Variants in EPB41L2 observed in about 807,000 individuals in gnomAD.
The protein encoded by EPB41L2 is band 4.1-like protein 2.
EPB41L2 carries 43 observed loss-of-function variants against 113.0 expected under a neutral mutation model. The ratio of observed to expected loss-of-function variants is 0.38; its 90% CI spans 0.30 to 0.49. The LOEUF is 0.49. EPB41L2 is among the 20% of genes least tolerant of loss of function. The pLI, the probability that EPB41L2 is intolerant of heterozygous loss-of-function variation, is 0.95. For synonymous variants in EPB41L2, 442 were observed against 436.7 expected, an observed-to-expected ratio of 1.01 and a Z score of -0.15; for missense variants, 1,147 against 1,223.4, an observed-to-expected ratio of 0.94 and a Z score of 0.93.
At chr6:130,995,131 T>C (rs1443233711) in intron 1 of EPB41L2, among the ~76,000 whole-genome samples, 1 of 146,904 alleles carries the variant, frequency 6.8e-6, no homozygotes, top group Non-Finnish European at 1.5e-5. Context: ...GGTCAGGAGA[T>C]CAAGACCATC....
At chr6:130,921,335 T>C (rs1254847080) in intron 4 of EPB41L2, among the ~76,000 whole-genome samples, 1 of 152,200 alleles carries the variant, frequency 6.6e-6, no homozygotes, top group Non-Finnish European at 1.5e-5. Flanking sequence ...TTTGCTTATT[T>C]TTCCAGCTGC....
At chr6:130,930,608 CA>C (rs1806500208) in intron 3 of EPB41L2, among the ~76,000 whole-genome samples, 2 of 151,998 alleles carry the variant, frequency 1.3e-5, no homozygotes, top group Non-Finnish European at 2.9e-5. Context: ...TCAAAAATGC[CA>C]AAAGATAATC....
chr6:130,876,848 A>C, intron 14 of EPB41L2: 6 of 949,372 alleles, frequency 6.3e-6, no homozygotes, highest in Non-Finnish European at 8.7e-6. Flanking sequence ...ACAAACACAA[A>C]ATACTGACCC....
chr6:130,926,503 C>A, intron 4 of EPB41L2, 102 bp downstream of exon 4: 1 of 838,982 alleles, frequency 1.2e-6, no homozygotes, highest in Non-Finnish European at 1.9e-6. Flanking sequence ...TCATAATAAA[C>A]ACCTAAGTTA....
intron 1 of EPB41L2, among the ~76,000 whole-genome samples, chr6:130,997,837 T>C (rs1019539781): frequency 1.3e-5 from 2 of 152,150 alleles, no homozygotes; most frequent in African/African-American, 4.8e-5. Context: ...AAAGAAACTA[T>C]TGGACACAAG....
At chr6:130,997,066 A>G (rs1257959976) in intron 1 of EPB41L2, among the ~76,000 whole-genome samples, 1 of 152,324 alleles carries the variant, frequency 6.6e-6, no homozygotes, top group Non-Finnish European at 1.5e-5. Context: ...CATTCATACT[A>G]TTCCTCTTTG....
chr6:131,051,468 A>C (rs891850807), intron 1 of EPB41L2, among the ~76,000 whole-genome samples: 1 of 137,004 alleles, frequency 7.3e-6, no homozygotes, highest in Admixed American at 7.1e-5. Flanking sequence ...AAAAAAAAAC[A>C]CACACACACA....
chr6:130,989,565 C>T (rs1781356786), intron 1 of EPB41L2, among the ~76,000 whole-genome samples: 1 of 152,140 alleles, frequency 6.6e-6, no homozygotes, highest in Non-Finnish European at 1.5e-5. Context: ...CTGCTCTATA[C>T]TGTGACGAAG....
intron 6 of EPB41L2, among the ~76,000 whole-genome samples, chr6:130,902,092 T>C (rs1264521276): frequency 6.6e-6 from 1 of 152,242 alleles, no homozygotes. Context: ...ATTTCTACTC[T>C]TTAACTTCAC....
chr6:130,862,036 T>C (rs1782286937), intron 18 of EPB41L2, among the ~76,000 whole-genome samples: 1 of 152,196 alleles, frequency 6.6e-6, no homozygotes. Flanking sequence ...TTAAGGCTGC[T>C]GGGTCATCAT....
At chr6:130,952,582 AG>A (rs1039029413) in intron 3 of EPB41L2, among the ~76,000 whole-genome samples, 3 of 152,192 alleles carry the variant, frequency 2.0e-5, no homozygotes, top group Non-Finnish European at 4.4e-5. Flanking sequence ...TGGGAGGCCA[AG>A]GTGGGCGGAT....
intron 1 of EPB41L2, among the ~76,000 whole-genome samples, chr6:131,036,642 T>A (rs112053714): frequency 1.3e-5 from 2 of 152,144 alleles, no homozygotes; most frequent in Non-Finnish European, 2.9e-5. Context: ...TAGGTCTCAA[T>A]TCCTTCATAA....
rs1226933957 is a variant in EPB41L2 at position 130,870,025 on chromosome 6, T to A, written c.2145A>T (p.Ser715=). Residue 715 remains serine, a synonymous_variant, in exon 15 of 20, where the codon TCA becomes TCT. Transcript: ENST00000337057. ...GAATCTCCCCAGGACCACTCCCAGG[T>A]GATATCTCTTTACCATTCATTTCTT... ...ITEEMNGKEI[S]PGSGPGEIRK... 2 of 1,614,004 alleles carry A rather than the reference T, an allele frequency of 1.2e-6. No homozygotes were observed. The highest frequency in any genetic ancestry group is 1.7e-6 in the Non-Finnish European group (2 of 1,179,990).
intron 1 of EPB41L2, among the ~76,000 whole-genome samples, chr6:130,958,469 A>AAC (rs1491306223): frequency 0.012 from 161 of 13,488 alleles, no homozygotes; most frequent in African/African-American, 0.037. Context: ...CAACAACAAC[A>AAC]AAAAAAAAAA....
At chr6:131,006,278 A>C (rs1032864187) in intron 1 of EPB41L2, among the ~76,000 whole-genome samples, 1 of 151,408 alleles carries the variant, frequency 6.6e-6, no homozygotes, top group African/African-American at 2.4e-5. Flanking sequence ...GCTGGTCTCG[A>C]ACTCCTGACC....
At chr6:130,907,522 T>TA (rs1798083245) in intron 5 of EPB41L2, among the ~76,000 whole-genome samples, 1 of 152,136 alleles carries the variant, frequency 6.6e-6, no homozygotes, top group Admixed American at 6.5e-5. Context: ...CTTTAGCACT[T>TA]AAAGTCTCAT....
chr6:130,900,099 A>G (rs997119647), intron 7 of EPB41L2, among the ~76,000 whole-genome samples: 8 of 152,238 alleles, frequency 5.3e-5, no homozygotes, highest in African/African-American at 1.9e-4. Flanking sequence ...CTAAAGAGCA[A>G]GATCATGTCC....
Position 130,986,585 on chromosome 6 carries a change from TTC to T in EPB41L2, c.-14-30088_-14-30087del, listed in dbSNP as rs1780605970. On this transcript the variant is annotated intron_variant, in intron 1 of 19. Transcript: ENST00000337057. ...ACAACTTAAGAGGTATAGGATTTTT[TTC>T]TTTTTTTTTTTTTGAGATGGAGTCT... Among the ~76,000 whole-genome samples, 8 of 150,958 alleles carry T rather than the reference TTC, an allele frequency of 5.3e-5. 2 individuals are homozygous for T. The South Asian group carries it at 1.7e-3, about 31-fold the overall frequency.
At chr6:131,041,060 C>T (rs914111896) in intron 1 of EPB41L2, among the ~76,000 whole-genome samples, 2 of 152,184 alleles carry the variant, frequency 1.3e-5, no homozygotes, top group Admixed American at 1.3e-4. Context: ...TAAATGCAAT[C>T]CTTGGCAGGA....
Sources: gnomAD v4.1 joint callset for allele counts (sites outside exome capture counted in the v4.1 genomes callset) on GRCh38, gnomAD v4.1.1 for gene constraint, MANE v1.5 for transcripts, NCBI Gene and HGNC (gene_info 2026-07-23, HGNC 2026-07-21) for gene names.